The following NR1I2 variants were observed in gnomAD, a reference collection of about 807,000 sequenced individuals.
The protein encoded by NR1I2 is orphan nuclear receptor PAR1.
Under a neutral mutation model 43.3 loss-of-function variants are expected in NR1I2, and 42 were observed. The observed-to-expected ratio is 0.97, with a 90% CI of 0.76 to 1.26. NR1I2 has a LOEUF of 1.26. Ranked by LOEUF, NR1I2 falls within the 50% of genes most tolerant of loss-of-function variation. NR1I2 has a pLI of 0.00. For synonymous variants in NR1I2, 229 were observed against 215.0 expected (o/e 1.06, Z -0.57); for missense variants, 559 against 566.7 (o/e 0.99, Z 0.14).
chr3:119,792,016 T>C lies in NR1I2; in HGVS notation c.-23+9716T>C, dbSNP rs72554011. The C allele has an allele frequency of 2.0e-3, 1,451 of 711,778 alleles. 6 individuals are homozygous for C. Among genetic ancestry groups the C allele is most frequent in the Non-Finnish European group, 2.6e-3 (996 of 383,594 alleles). 44.1% of individuals were successfully genotyped at this position (711,778 alleles called of 1,614,324 possible). ...ATACCATGGGTACAGAAACCAATTATCTTTGACCACCGTTCTCAACCACAT... is the reference window on the plus strand; with the variant it reads ...ATACCATGGGTACAGAAACCAATTACCTTTGACCACCGTTCTCAACCACAT... On this transcript the variant is annotated intron_variant, in intron 1 of 8. Coordinates refer to ENST00000393716, the MANE Select transcript of NR1I2 (RefSeq NM_003889.4).
intron 1 of NR1I2, among the ~76,000 whole-genome samples, chr3:119,789,398 G>A (rs1198977306): frequency 6.6e-6 from 1 of 152,138 alleles, no homozygotes. Flanking sequence ...ATGGTGGAAG[G>A]CAAACGGCAT....
intron 1 of NR1I2, 51 bp from the exon 2 acceptor site, chr3:119,807,178 C>G (rs761789470): frequency 1.8e-5 from 28 of 1,525,776 alleles, no homozygotes; most frequent in Non-Finnish European, 2.3e-5. Flanking sequence ...TCTGAGGCCT[C>G]TACACATCCC....
intron 5 of NR1I2, among the ~76,000 whole-genome samples, chr3:119,814,246 C>T (rs2055285642): frequency 6.6e-6 from 1 of 152,138 alleles, no homozygotes; most frequent in Non-Finnish European, 1.5e-5. Flanking sequence ...GGAATGCCTC[C>T]TTACTGGGGA....
rs1042379456 is a variant in NR1I2, at chr3:119,818,065, A to C, written c.*853A>C. The C allele has an allele frequency of 3.0e-6, 3 of 985,550 alleles. No individual in the cohort carries two copies. Among genetic ancestry groups the C allele is most frequent in the Non-Finnish European group, 3.6e-6 (3 of 830,002 alleles). 61.1% of individuals were successfully genotyped at this position (985,550 alleles called of 1,614,324 possible). A position where few individuals can be genotyped will look rare whatever the true frequency, so the allele number is the denominator to read the frequency against. Reference sequence around the variant, plus strand: ...CTGTGATGGCGGGCACTGGGTACCCAAGTGAAGGTTCCCAAGGACATGAGT... The same window carrying C: ...CTGTGATGGCGGGCACTGGGTACCCCAGTGAAGGTTCCCAAGGACATGAGT... On this transcript the variant is annotated 3_prime_UTR_variant, in exon 9 of 9. Coordinates refer to ENST00000393716, the MANE Select transcript of NR1I2 (RefSeq NM_003889.4).
rs199710321 is a variant in NR1I2 at position 119,812,774 on chromosome 3, G to A, written c.608G>A (p.Arg203Gln). The A allele has an allele frequency of 2.0e-5, 32 of 1,614,090 alleles. No individual in the cohort carries two copies. In the African/African-American group the frequency reaches 2.5e-4, roughly 13 times the overall value. Residue 203 changes from arginine to glutamine, a missense_variant, in exon 5 of 9, where the codon CGG (arginine) becomes CAG (glutamine). Around this residue, in one of 3 missense-constraint regions of NR1I2, gnomAD observed 323 missense variants for 312.2 expected, o/e 1.03. Coordinates refer to ENST00000393716, the MANE Select transcript of NR1I2 (RefSeq NM_003889.4). The stretch of plus-strand genomic sequence containing the variant: ...GAAGCTGCCAAGTGGAGCCAGGTCC[G>A]GAAAGATCTGTGCTCTTTGAAGGTC...
At position 119,817,978 on chromosome 3, in the gene NR1I2, T is replaced by G; in HGVS notation, c.*766T>G. ...CAAACAGAAACACAAACGATTTGGATCAAAAGGAGAAATGATAAGTGACAA... is the reference window on the plus strand; with the variant it reads ...CAAACAGAAACACAAACGATTTGGAGCAAAAGGAGAAATGATAAGTGACAA... On this transcript the variant is annotated 3_prime_UTR_variant, in exon 9 of 9. Transcript: ENST00000393716. The G allele has an allele frequency of 1.0e-6, 1 of 985,334 alleles. No homozygotes were observed. Among genetic ancestry groups the G allele is most frequent in the East Asian group, 1.1e-4 (1 of 8,802 alleles). 61.0% of individuals were successfully genotyped at this position (985,334 alleles called of 1,614,324 possible). A position where few individuals can be genotyped will look rare whatever the true frequency, so the allele number is the denominator to read the frequency against.
intron 2 of NR1I2, among the ~76,000 whole-genome samples, chr3:119,808,796 A>C (rs747248557): frequency 6.6e-6 from 1 of 152,238 alleles, no homozygotes; most frequent in African/African-American, 2.4e-5. Context: ...TGAGTTTCAC[A>C]GGGTTTTAGA....
intron 1 of NR1I2, among the ~76,000 whole-genome samples, chr3:119,800,960 G>A (rs189085599): frequency 1.3e-5 from 2 of 152,300 alleles, no homozygotes; most frequent in African/African-American, 4.8e-5. Context: ...GCATAGCACT[G>A]AATTAAGAAC....
intron 1 of NR1I2, among the ~76,000 whole-genome samples, chr3:119,786,186 G>A (rs911695921): frequency 1.7e-4 from 26 of 152,164 alleles, no homozygotes; most frequent in Admixed American, 9.2e-4. Context: ...TTCAGGGAAC[G>A]TGGACAACAT....
intron 1 of NR1I2, among the ~76,000 whole-genome samples, chr3:119,806,389 A>G (rs1418375578): frequency 6.6e-6 from 1 of 151,986 alleles, no homozygotes; most frequent in African/African-American, 2.4e-5. Context: ...GGCTCAAGAG[A>G]TCCTCCCCGC....
intron 1 of NR1I2, among the ~76,000 whole-genome samples, chr3:119,789,418 G>T (rs1051179987): frequency 2.9e-4 from 44 of 152,112 alleles, no homozygotes; most frequent in Admixed American, 2.2e-3. Context: ...TGTCTTACAT[G>T]GTGTCAGGCA....
chr3:119,817,224 T>C lies in NR1I2; in HGVS notation c.*12T>C, dbSNP rs1415121640. On this transcript the variant is annotated 3_prime_UTR_variant, in exon 9 of 9. Coordinates refer to ENST00000393716, the MANE Select transcript of NR1I2 (RefSeq NM_003889.4). ...TCACAGGTAGCTGAGCGGCTGCCCT[T>C]GGGTGACACCTCCGAGAGGCAGCCA... 6.2e-7 allele frequency: 1 copy of C among 1,613,498 alleles called. No individual in the cohort carries two copies. Among genetic ancestry groups the C allele is most frequent in the African/African-American group, 1.3e-5 (1 of 75,034 alleles).
intron 1 of NR1I2, among the ~76,000 whole-genome samples, chr3:119,785,636 C>CAGGCCT (rs2054833304): frequency 6.6e-6 from 1 of 152,016 alleles, no homozygotes; most frequent in Non-Finnish European, 1.5e-5. Context: ...AATCCAGGCC[C>CAGGCCT]CAGGCCTACA....
At chr3:119,804,153 C>A (rs1457013938) in intron 1 of NR1I2, among the ~76,000 whole-genome samples, 1 of 151,030 alleles carries the variant, frequency 6.6e-6, no homozygotes, top group Non-Finnish European at 1.5e-5. Context: ...GGGCAGATAA[C>A]GAGGTCAGGA....
chr3:119,809,573 G>C (rs970725509), intron 2 of NR1I2, among the ~76,000 whole-genome samples: 1 of 145,512 alleles, frequency 6.9e-6, no homozygotes, highest in South Asian at 2.4e-4. Flanking sequence ...GGGAAGGCGG[G>C]GGGGTGGGGC....
chr3:119,812,580 C>A, intron 4 of NR1I2, 106 bp from the exon 5 acceptor site: 4 of 1,304,440 alleles, frequency 3.1e-6, no homozygotes, highest in Non-Finnish European at 4.4e-6. Flanking sequence ...TGCATCCTCT[C>A]GAGCTGCAAC....
Position 119,810,207 on chromosome 3 carries a change from C to A in NR1I2, c.331+13C>A, listed in dbSNP as rs375578464. 523 of 1,587,416 alleles carry A rather than the reference C, an allele frequency of 3.3e-4. No homozygotes were observed. Among genetic ancestry groups the A allele is most frequent in the Non-Finnish European group, 4.2e-4 (494 of 1,167,004 alleles). On this transcript the variant is annotated intron_variant, in intron 3 of 8. Coordinates refer to ENST00000393716, the MANE Select transcript of NR1I2 (RefSeq NM_003889.4). ...ATGAAGAAGGAGAGTGAGCAGTGGG[C>A]GCGCGGGCGGGCCGGCGCCGGGGTG...
In NR1I2 at chr3:119,815,375, G is replaced by A. The variant is rs1362104103; in HGVS notation, c.990G>A (p.Leu330=). ...CCATGCTGAAATTCCACTACATGCT[G>A]AAGAAGCTGCAGCTGCATGAGGAGG... is the stretch of plus-strand genomic sequence containing the variant. Residue 330 remains leucine (L), a synonymous_variant, in exon 7 of 9, where the codon CTG becomes CTA. Coordinates refer to ENST00000393716, the MANE Select transcript of NR1I2 (RefSeq NM_003889.4). 2 of 1,613,782 alleles carry A rather than the reference G, an allele frequency of 1.2e-6. No individual in the cohort carries two copies. Among genetic ancestry groups the A allele is most frequent in the African/African-American group, 2.7e-5 (2 of 74,922 alleles).
At chr3:119,782,671 A>ACTGTGGGAGCTGGGG in intron 1 of NR1I2, 1 of 941,848 alleles carries the variant, frequency 1.1e-6, no homozygotes, top group Non-Finnish European at 1.7e-6. Flanking sequence ...GGAGCTGGGG[A>ACTGTGGGAGCTGGGG]CTATGGGAAC....
Sources: gnomAD v4.1 joint callset for allele counts (sites outside exome capture counted in the v4.1 genomes callset) on GRCh38, gnomAD v4.1.1 for gene constraint, gnomAD v4.1.1 regional missense constraint, MANE v1.5 for transcripts, NCBI Gene and HGNC (gene_info 2026-07-23, HGNC 2026-07-21) for gene names.